ESYT1: variants seen among roughly 807,000 people sequenced by gnomAD.
ESYT1 encodes extended synaptotagmin 1.
A neutral mutation model predicts 154.2 loss-of-function variants in ESYT1; 116 were observed. The ratio of observed to expected loss-of-function variants is 0.75; its 90% CI spans 0.65 to 0.88. The LOEUF (loss-of-function observed/expected upper bound fraction) is 0.88. Ranked by LOEUF, ESYT1 falls within the 40% of genes least tolerant of loss-of-function variation. ESYT1 has a pLI of 0.00. For missense variants in ESYT1, 1,264 were observed against 1,379.3 expected, an observed-to-expected ratio of 0.92 and a Z score of 1.32; for synonymous variants, 500 against 539.9, an observed-to-expected ratio of 0.93 and a Z score of 1.02.
In ESYT1 at chr12:56,138,214, G is replaced by A. The variant is rs1870542168; in HGVS notation, c.2279G>A (p.Arg760His). Residue 760 changes from arginine (R) to histidine (H), a missense_variant, in exon 21 of 31, where the codon CGC becomes CAC. Physicochemically the swap from Arg to His is conservative, Grantham distance 29 (BLOSUM62 0). Transcript: ENST00000394048. ...ACCCTGGAGGATGTCCCATCTGGCCGCCTGCACTTGCGCCTGGAGCGTCTC... is the reference window on the plus strand; with the variant it reads ...ACCCTGGAGGATGTCCCATCTGGCCACCTGCACTTGCGCCTGGAGCGTCTC... ...WLTLEDVPSG[R>H]LHLRLERLTP... is the part of the protein sequence containing the mutation. 8.1e-6 allele frequency: 13 copies of A among 1,614,038 alleles called. No homozygotes were observed. The highest frequency in any genetic ancestry group is 2.2e-5 in the East Asian group (1 of 44,886).
Position 56,128,379 on chromosome 12 carries a change from C to T in ESYT1, c.60C>T (p.Pro20=). Residue 20 remains proline (P), a synonymous_variant, in exon 1 of 31, where the codon CCC becomes CCT. Transcript: ENST00000394048. ...SPSPMDQPSA[P]SDPTDQPPAA... is the part of the protein sequence containing the mutation. ...GCCCCATGGACCAGCCCTCTGCTCC[C>T]TCCGACCCCACTGACCAGCCCCCCG... 3 of 1,612,472 alleles carry T rather than the reference C, an allele frequency of 1.9e-6. No homozygotes were observed. Among genetic ancestry groups the T allele is most frequent in the Non-Finnish European group, 2.5e-6 (3 of 1,179,280 alleles).
Position 56,137,498 on chromosome 12 carries a change from G to A in ESYT1, c.1939-1G>A, listed in dbSNP as rs1870510696. 6.2e-7 allele frequency: 1 copy of A among 1,611,410 alleles called. No individual in the cohort carries two copies. Among genetic ancestry groups the A allele is most frequent in the Non-Finnish European group, 8.5e-7 (1 of 1,178,166 alleles). On this transcript the variant is annotated splice_acceptor_variant, in intron 17 of 30. Coordinates refer to ENST00000394048, the MANE Select transcript of ESYT1 (RefSeq NM_015292.3). LOFTEE classifies it high-confidence loss of function. ...CTGGCACCCCCCCGTCCCTTTTGCAGCATGTGCTTCGGATCCATGTATTAG... is the reference window on the plus strand; with the variant it reads ...CTGGCACCCCCCCGTCCCTTTTGCAACATGTGCTTCGGATCCATGTATTAG...
In ESYT1 at chr12:56,143,116, G is replaced by A. The variant is rs373670885; in HGVS notation, c.3087G>A (p.Lys1029=). 1.9e-6 allele frequency: 3 copies of A among 1,614,064 alleles called. No homozygotes were observed. The highest frequency in any genetic ancestry group is 2.7e-5 in the African/African-American group (2 of 74,912). ...NRGTKRRTSQ[K]KRTLSPEFNE... ...GCACCAAGAGGAGGACCTCACAGAA[G>A]AAGAGGACCCTGAGTCCTGAATTTA... is the stretch of plus-strand genomic sequence containing the variant. Residue 1029 remains lysine (K), a synonymous_variant, in exon 28 of 31, where the codon AAG becomes AAA. Transcript: ENST00000394048.
rs762855202 is a variant in ESYT1, at chr12:56,133,668, G to T, written c.1374G>T (p.Leu458=). 10 of 1,614,204 alleles carry T rather than the reference G, an allele frequency of 6.2e-6. No individual in the cohort carries two copies. In the South Asian group the frequency reaches 1.1e-4, roughly 18 times the overall value. ...WLSLLSDAEK[L]EQVLQWNWGV... ...CACTTTTGTCAGATGCAGAGAAACT[G>T]GAGCAGGTAAGCCACATGGGAAATA... The change falls in exon 12 of 31, where the codon CTG becomes CTT. Residue 458 remains leucine, a synonymous_variant. Transcript: ENST00000394048.
Position 56,144,505 on chromosome 12 carries a change from T to TGGCAA in ESYT1, c.*643_*644insGGCAA. On this transcript the variant is annotated 3_prime_UTR_variant, in exon 31 of 31. Transcript: ENST00000394048. ...AGTGGCATATCAGTCTTGGAGCTCC[T>TGGCAA]AGCTGGTGATACGGAGAGGGCTTTG... The TGGCAA allele has an allele frequency of 1.0e-6, 1 of 985,862 alleles. No homozygotes were observed. The highest frequency in any genetic ancestry group is 4.7e-5 in the South Asian group (1 of 21,308). 61.1% of individuals were successfully genotyped at this position (985,862 alleles called of 1,614,324 possible).
At position 56,131,548 on chromosome 12, in the gene ESYT1, G is replaced by A. The variant is rs1298941833; in HGVS notation, c.786G>A (p.Met262Ile). The part of the protein sequence containing the change: ...GDLPFVGAVS[M>I]FFIRRPTLDI... ...TTCCCTTCGTGGGGGCTGTGTCAAT[G>A]TTCTTCATCCGACGCCCGGTAAGGG... is the stretch of plus-strand genomic sequence containing the variant. The change falls in exon 6 of 31, where the codon ATG becomes ATA. Residue 262 changes from methionine (M) to isoleucine (I), a missense_variant. Transcript: ENST00000394048. 2.5e-6 allele frequency: 4 copies of A among 1,613,996 alleles called. No homozygotes were observed. The highest frequency in any genetic ancestry group is 1.7e-4 in the Middle Eastern group (1 of 6,038).
At position 56,128,294 on chromosome 12, in the gene ESYT1, G is replaced by C. The variant is rs779103350; in HGVS notation, c.-26G>C. The C allele has an allele frequency of 8.2e-6, 13 of 1,588,028 alleles. No homozygotes were observed. The highest frequency in any genetic ancestry group is 1.8e-5 in the Admixed American group (1 of 55,952). ...GCAACCTCCAGCCAGTCCCTGGGTCGGGCGGATCCTCCCAGAGGTGGCACA... is the reference window on the plus strand; with the variant it reads ...GCAACCTCCAGCCAGTCCCTGGGTCCGGCGGATCCTCCCAGAGGTGGCACA... On this transcript the variant is annotated 5_prime_UTR_variant, in exon 1 of 31. Coordinates refer to ENST00000394048, the MANE Select transcript of ESYT1 (RefSeq NM_015292.3).
In ESYT1 at chr12:56,143,935, G is replaced by A. The variant is rs1002549396; in HGVS notation, c.*73G>A. 22 of 1,609,768 alleles carry A rather than the reference G, an allele frequency of 1.4e-5. No homozygotes were observed. Among genetic ancestry groups the A allele is most frequent in the Non-Finnish European group, 1.6e-5 (19 of 1,179,634 alleles). On this transcript the variant is annotated 3_prime_UTR_variant, in exon 31 of 31. Coordinates refer to ENST00000394048, the MANE Select transcript of ESYT1 (RefSeq NM_015292.3). ...CGCTCCATCACCGCCTCAATGTGAT[G>A]AGCCTAAAGCTAGGGTCCAAGGGCA... is the stretch of plus-strand genomic sequence containing the variant.
intron 2 of ESYT1, 74 bp downstream of exon 2, chr12:56,130,697 C>T (rs1870197063): frequency 1.2e-6 from 2 of 1,613,182 alleles, no homozygotes; most frequent in Non-Finnish European, 1.7e-6. Flanking sequence ...GACCCATCCT[C>T]AACCCTCAGT....
intron 15 of ESYT1, among the ~76,000 whole-genome samples, chr12:56,135,971 G>A (rs1870433558): frequency 7.2e-6 from 1 of 138,968 alleles, no homozygotes; most frequent in Non-Finnish European, 1.5e-5. Flanking sequence ...TGAGGCAGAA[G>A]AATCATTTGA....
rs561812108 is a variant in ESYT1 at position 56,132,121 on chromosome 12, G to C, written c.861-88G>C. ...CAAAAGGACTTTCTTACAGCTTTAG[G>C]TCTCTCTTGGGTGTGGGAAACATAG... On this transcript the variant is annotated intron_variant, in intron 7 of 30. Transcript: ENST00000394048. The C allele has an allele frequency of 9.8e-5, 156 of 1,592,470 alleles. 1 individual carries two copies. The Admixed American group carries it at 2.6e-3, about 26-fold the overall frequency.
rs146217441 is a variant in ESYT1 at position 56,143,024 on chromosome 12, C to T, written c.2995C>T (p.Arg999Ter). 1.1e-5 allele frequency: 17 copies of T among 1,614,094 alleles called. No individual in the cohort carries two copies. Among genetic ancestry groups the T allele is most frequent in the South Asian group, 1.1e-5 (1 of 91,080 alleles). ...VSIVHGCRSL[R>*]QNGRDPPDPY... ...TACATCCTCCTGTTGTAGGTCCCTT[C>T]GACAGAATGGACGTGATCCTCCTGA... Residue 999 changes from arginine (R) to a stop codon, truncating the protein, a stop_gained, in exon 28 of 31, where the codon CGA (arginine) becomes TGA (stop). Transcript: ENST00000394048. LOFTEE classifies it high-confidence loss of function.
At chr12:56,143,498 T>A in intron 29 of ESYT1, 82 bp from the exon 30 acceptor site, 1 of 1,589,514 alleles carries the variant, frequency 6.3e-7, no homozygotes, top group Middle Eastern at 1.7e-4. Context: ...CTTTGGAGAT[T>A]TCAAAACAGC....
In ESYT1 at chr12:56,143,025, G is replaced by C. The variant is rs181946138; in HGVS notation, c.2996G>C (p.Arg999Pro). 1 of 1,614,096 alleles carries C rather than the reference G, an allele frequency of 6.2e-7. No homozygotes were observed. The highest frequency in any genetic ancestry group is 1.7e-5 in the Admixed American group (1 of 60,014). The change falls in exon 28 of 31, where the codon CGA becomes CCA. Residue 999 changes from arginine (R) to proline (P), a missense_variant. Coordinates refer to ENST00000394048, the MANE Select transcript of ESYT1 (RefSeq NM_015292.3). ...VSIVHGCRSLRQNGRDPPDPY... is the reference protein window; with the variant it reads ...VSIVHGCRSLPQNGRDPPDPY... ...ACATCCTCCTGTTGTAGGTCCCTTCGACAGAATGGACGTGATCCTCCTGAT... is the reference window on the plus strand; with the variant it reads ...ACATCCTCCTGTTGTAGGTCCCTTCCACAGAATGGACGTGATCCTCCTGAT...
chr12:56,141,173 T>G (rs957865482), intron 24 of ESYT1, among the ~76,000 whole-genome samples: 5 of 152,198 alleles, frequency 3.3e-5, no homozygotes, highest in African/African-American at 1.2e-4. Flanking sequence ...TGTGAACCAC[T>G]GTGCCCGGCT....
chr12:56,134,481 G>T (rs1219178273), intron 15 of ESYT1, 53 bp downstream of exon 15: 10 of 1,470,638 alleles, frequency 6.8e-6, no homozygotes, highest in Middle Eastern at 1.7e-4. Flanking sequence ...TGACTTCCCA[G>T]ATCTGTACCA....
intron 2 of ESYT1, 80 bp from the exon 3 acceptor site, chr12:56,130,711 C>T (rs2079537048): frequency 1.2e-6 from 2 of 1,613,202 alleles, no homozygotes; most frequent in Admixed American, 1.7e-5. Context: ...CCTCAGTGCT[C>T]TCCGTGGGGA....
Position 56,132,405 on chromosome 12 carries a change from T to G in ESYT1, c.985-16T>G. 1 of 1,614,088 alleles carries G rather than the reference T, an allele frequency of 6.2e-7. No homozygotes were observed. Among genetic ancestry groups the G allele is most frequent in the Non-Finnish European group, 8.5e-7 (1 of 1,179,982 alleles). The stretch of plus-strand genomic sequence containing the variant: ...GCTGGGTCCTTAGTTTCTCACCATC[T>G]GATTCCTTCCTCCAGGGCATTATTC... On this transcript the variant is annotated splice_polypyrimidine_tract_variant and intron_variant, in intron 8 of 30. Transcript: ENST00000394048.
rs528285287 is a variant in ESYT1 at position 56,143,928 on chromosome 12, A to G, written c.*66A>G. 5.0e-6 allele frequency: 8 copies of G among 1,610,946 alleles called. No individual in the cohort carries two copies. Among genetic ancestry groups the G allele is most frequent in the Admixed American group, 1.7e-5 (1 of 59,996 alleles). ...TTCGTCTCGCTCCATCACCGCCTCA[A>G]TGTGATGAGCCTAAAGCTAGGGTCC... is the stretch of plus-strand genomic sequence containing the variant. On this transcript the variant is annotated 3_prime_UTR_variant, in exon 31 of 31. Coordinates refer to ENST00000394048, the MANE Select transcript of ESYT1 (RefSeq NM_015292.3).
Sources: allele counts gnomAD v4.1 joint callset (sites outside exome capture counted in the v4.1 genomes callset), GRCh38; gene constraint gnomAD v4.1.1; transcripts MANE v1.5; gene names NCBI Gene and HGNC (gene_info 2026-07-23, HGNC 2026-07-21).